Variants in CPNE4 observed in about 807,000 individuals in gnomAD.
CPNE4 encodes the protein copine-4.
CPNE4 carries 25 observed loss-of-function variants against 67.9 expected under a neutral mutation model. The ratio of observed to expected loss-of-function variants is 0.37; its 90% confidence interval spans 0.27 to 0.51. The LOEUF (loss-of-function observed/expected upper bound fraction) is 0.51, where lower values mean the gene tolerates loss of function less well. Ranked by LOEUF, CPNE4 falls within the 20% of genes least tolerant of loss-of-function variation. CPNE4 has a pLI of 0.93. For synonymous variants in CPNE4, 242 were observed against 244.9 expected, an observed-to-expected ratio of 0.99 and a Z score of 0.11; for missense variants, 464 against 690.8, an observed-to-expected ratio of 0.67 and a Z score of 3.68.
At chr3:131,808,280 G>A (rs2084395471) in intron 2 of CPNE4, among the ~76,000 whole-genome samples, 2 of 152,114 alleles carry the variant, frequency 1.3e-5, no homozygotes, top group South Asian at 4.1e-4. Context: ...ACTGAAAAAT[G>A]GCTCAATGTT....
At chr3:131,880,250 G>A (rs1657258637) in intron 2 of CPNE4, among the ~76,000 whole-genome samples, 1 of 151,738 alleles carries the variant, frequency 6.6e-6, no homozygotes, top group Admixed American at 6.6e-5. Context: ...AAAGTAGCTG[G>A]GACTACAGGC....
At chr3:131,595,263 C>T (rs941393960) in intron 7 of CPNE4, among the ~76,000 whole-genome samples, 6 of 152,216 alleles carry the variant, frequency 3.9e-5, no homozygotes, top group African/African-American at 1.4e-4. Context: ...GATGTCTGCA[C>T]TCTCAGGTTC....
At chr3:131,837,836 G>A (rs2085617654) in intron 2 of CPNE4, among the ~76,000 whole-genome samples, 1 of 151,782 alleles carries the variant, frequency 6.6e-6, no homozygotes, top group Non-Finnish European at 1.5e-5. Context: ...GTTCTCTTGG[G>A]GGAAACAGGA....
intron 2 of CPNE4, among the ~76,000 whole-genome samples, chr3:131,732,924 T>C (rs1479207996): frequency 2.6e-5 from 4 of 152,216 alleles, no homozygotes; most frequent in African/African-American, 9.6e-5. Flanking sequence ...TAACTTCCTG[T>C]TAGTGACAAC....
chr3:131,675,227 A>T (rs1004435575), intron 6 of CPNE4, among the ~76,000 whole-genome samples: 3 of 152,164 alleles, frequency 2.0e-5, no homozygotes, highest in African/African-American at 7.2e-5. Context: ...TTTGTGATCA[A>T]ATACATGGTC....
chr3:131,875,598 G>A (rs528108711), intron 2 of CPNE4, among the ~76,000 whole-genome samples: 27 of 151,364 alleles, frequency 1.8e-4, no homozygotes, highest in East Asian at 5.9e-4. Context: ...ACCAAACACC[G>A]CATGTTCTCA....
intron 2 of CPNE4, among the ~76,000 whole-genome samples, chr3:131,765,009 G>T (rs1458447477): frequency 2.0e-5 from 3 of 152,106 alleles, no homozygotes; most frequent in Non-Finnish European, 4.4e-5. Context: ...AACTCCTAAA[G>T]GAGGTGTATG....
chr3:131,993,288 G>T (rs2073210789), intron 1 of CPNE4, among the ~76,000 whole-genome samples: 1 of 134,826 alleles, frequency 7.4e-6, no homozygotes, highest in African/African-American at 2.5e-5. Flanking sequence ...AAGTTAAGTA[G>T]ATTGATAAAT....
At position 131,696,426 on chromosome 3, in the gene CPNE4, T is replaced by C. The variant is rs1216541424; in HGVS notation, c.507+116A>G. The C allele has an allele frequency of 1.1e-5, 10 of 881,378 alleles. 1 individual carries two copies. Among genetic ancestry groups the C allele is most frequent in the Admixed American group, 1.1e-4 (5 of 47,392 alleles). 54.6% of individuals were successfully genotyped at this position (881,378 alleles called of 1,614,324 possible). A position where few individuals can be genotyped will look rare whatever the true frequency, so the allele number is the denominator to read the frequency against. On this transcript the variant is annotated intron_variant, in intron 5 of 15. Coordinates refer to ENST00000429747, the MANE Select transcript of CPNE4 (RefSeq NM_130808.3). ...TTACTTTGTAGACCTCTCTGAATTT[T>C]TGGATCTGTTTGATAATGTGGGTGG... is the stretch of plus-strand genomic sequence containing the variant.
At chr3:131,680,830 T>G (rs1212370329) in intron 6 of CPNE4, among the ~76,000 whole-genome samples, 2 of 152,022 alleles carry the variant, frequency 1.3e-5, no homozygotes, top group Admixed American at 1.3e-4. Flanking sequence ...CCTCCCACCC[T>G]TTCCCCTGCG....
rs560563914 is a variant in CPNE4 at position 131,778,800 on chromosome 3, G to T, written c.181-55175C>A. On this transcript the variant is annotated intron_variant, in intron 2 of 15. Transcript: ENST00000429747. ...TGTAGGGTAATACAAAACCGGTGCT[G>T]CCACTCCTATTCAACATAATCCTGG... Among the ~76,000 whole-genome samples the T allele has an allele frequency of 6.6e-5, 10 of 152,068 alleles. 1 individual carries two copies. The highest frequency in any genetic ancestry group is 2.4e-4 in the African/African-American group (10 of 41,540).
chr3:131,732,075 T>C (rs2082140471), intron 2 of CPNE4, among the ~76,000 whole-genome samples: 2 of 152,216 alleles, frequency 1.3e-5, no homozygotes, highest in South Asian at 4.1e-4. Context: ...CCAACTGTTA[T>C]GGCTCAGCTC....
At chr3:131,931,169 G>A (rs539946387) in intron 1 of CPNE4, among the ~76,000 whole-genome samples, 16 of 152,226 alleles carry the variant, frequency 1.1e-4, no homozygotes, top group South Asian at 6.2e-4. Context: ...TTGCTCTCCC[G>A]ATTAGACTGG....
chr3:131,948,385 G>A (rs1277647329), intron 1 of CPNE4, among the ~76,000 whole-genome samples: 1 of 152,132 alleles, frequency 6.6e-6, no homozygotes, highest in Non-Finnish European at 1.5e-5. Context: ...CTTCCCCTTT[G>A]CCTTCAGCCA....
intron 2 of CPNE4, among the ~76,000 whole-genome samples, chr3:131,865,451 C>T (rs1008456678): frequency 7.9e-5 from 12 of 152,092 alleles, no homozygotes; most frequent in Non-Finnish European, 1.3e-4. Context: ...TTAAAGACCC[C>T]TCCCAAATCT....
intron 7 of CPNE4, among the ~76,000 whole-genome samples, chr3:131,595,332 A>G (rs1938780182): frequency 6.6e-6 from 1 of 152,230 alleles, no homozygotes; most frequent in Non-Finnish European, 1.5e-5. Flanking sequence ...TCATTGATGA[A>G]TGAATGGATA....
intron 2 of CPNE4, among the ~76,000 whole-genome samples, chr3:131,864,801 G>A (rs1055344967): frequency 2.0e-5 from 3 of 152,040 alleles, no homozygotes; most frequent in African/African-American, 7.2e-5. Flanking sequence ...CAAAGGGAAT[G>A]CTTCCAGTTT....
At position 131,696,608 on chromosome 3, in the gene CPNE4, A is replaced by T. The variant is rs1422390418; in HGVS notation, c.441T>A (p.Ala147=). The change falls in exon 5 of 16, where the codon GCT becomes GCA. Residue 147 remains alanine (A), a synonymous_variant. Coordinates refer to ENST00000429747, the MANE Select transcript of CPNE4 (RefSeq NM_130808.3). ...AGTCGTCATTGCCAGATAATTCTTC[A>T]GCAATCACCTAAAGGAAAAAGCACA... ...TAGKSSITVI[A]EELSGNDDYV... 1 of 1,614,000 alleles carries T rather than the reference A, an allele frequency of 6.2e-7. No homozygotes were observed. The highest frequency in any genetic ancestry group is 1.7e-5 in the Admixed American group (1 of 60,016).
chr3:131,887,003 T>C (rs1216521645), intron 2 of CPNE4, among the ~76,000 whole-genome samples: 2 of 152,048 alleles, frequency 1.3e-5, no homozygotes, highest in Admixed American at 6.5e-5. Flanking sequence ...GAAGGCAGGA[T>C]TGGTTTTGAA....
Sources: gnomAD v4.1 joint callset for allele counts (sites outside exome capture counted in the v4.1 genomes callset) on GRCh38, gnomAD v4.1.1 for gene constraint, MANE v1.5 for transcripts, NCBI Gene and HGNC (gene_info 2026-07-23, HGNC 2026-07-21) for gene names.